The following TNRC18 variants were observed in gnomAD, a reference collection of about 807,000 sequenced individuals.
TNRC18 encodes trinucleotide repeat containing 18, also known as trinucleotide repeat-containing gene 18 protein.
In TNRC18, 69 loss-of-function variants were observed where a neutral mutation model predicts 226.7. The ratio of observed to expected loss-of-function variants is 0.30; its 90% CI spans 0.25 to 0.37. The LOEUF (loss-of-function observed/expected upper bound fraction) is 0.37, where lower values mean the gene tolerates loss of function less well. Ranked by LOEUF, TNRC18 falls within the 10% of genes least tolerant of loss-of-function variation. TNRC18 has a pLI of 1.00. For missense variants in TNRC18, 4,754 were observed against 4,256.6 expected (o/e 1.12, Z -3.25); for synonymous variants, 2,449 against 1,927.6 (o/e 1.27, Z -7.09).
chr7:5,314,400 G>C lies in TNRC18; in HGVS notation c.7028-537C>G, dbSNP rs572833213. The stretch of plus-strand genomic sequence containing the variant: ...TTGGCCCCAAAGCGGGTCCTCCTCT[G>C]CTTTCAGCCTGCACGAAGTATTTTC... On this transcript the variant is annotated intron_variant, in intron 26 of 29. Coordinates refer to ENST00000430969, the MANE Select transcript of TNRC18 (RefSeq NM_001080495.3). Among the ~76,000 whole-genome samples the C allele has an allele frequency of 5.1e-4, 77 of 152,144 alleles. 1 individual carries two copies. In the South Asian group the frequency reaches 0.015, roughly 30 times the overall value.
chr7:5,314,180 C>A (rs2128106209), intron 26 of TNRC18, among the ~76,000 whole-genome samples: 1 of 152,058 alleles, frequency 6.6e-6, no homozygotes, highest in African/African-American at 2.4e-5. Context: ...CTCCGTTGCC[C>A]AGGCTGGTCT....
chr7:5,331,886 G>A (rs1424000980), intron 19 of TNRC18, among the ~76,000 whole-genome samples: 4 of 151,908 alleles, frequency 2.6e-5, no homozygotes, highest in South Asian at 4.2e-4. Context: ...CTCCAGCCTG[G>A]GTGACAGAGT....
At position 5,349,364 on chromosome 7, in the gene TNRC18, G is replaced by C. The variant is rs1325930985; in HGVS notation, c.5470+2455C>G. Among the ~76,000 whole-genome samples, 3 of 152,198 alleles carry C rather than the reference G, an allele frequency of 2.0e-5. No homozygotes were observed. In the South Asian group the frequency reaches 6.2e-4, roughly 31 times the overall value. On this transcript the variant is annotated intron_variant, in intron 17 of 29. Coordinates refer to ENST00000430969, the MANE Select transcript of TNRC18 (RefSeq NM_001080495.3). ...CAGCTTGCCGAGGGCTGGGGACAGG[G>C]AGGGGGGAAAAAAGTCCCATCAAAG...
At chr7:5,314,684 T>C (rs574997812) in intron 26 of TNRC18, among the ~76,000 whole-genome samples, 1 of 149,464 alleles carries the variant, frequency 6.7e-6, no homozygotes, top group Admixed American at 6.8e-5. Context: ...GTGATTCTCC[T>C]GCCTCAGCCT....
chr7:5,347,289 G>A (rs913493425), intron 17 of TNRC18, among the ~76,000 whole-genome samples: 10 of 150,302 alleles, frequency 6.7e-5, no homozygotes, highest in African/African-American at 2.0e-4. Flanking sequence ...CTGGGTTCAC[G>A]CCATTCTCCT....
chr7:5,364,649 C>G (rs1220015161), intron 11 of TNRC18, among the ~76,000 whole-genome samples: 2 of 151,694 alleles, frequency 1.3e-5, no homozygotes, highest in Non-Finnish European at 2.9e-5. Flanking sequence ...ACTAAAAATA[C>G]AGAAATTAGC....
rs184430700 is a variant in TNRC18, at chr7:5,326,400, C to A, written c.6148-1152G>T. 1.1e-4 allele frequency among the ~76,000 whole-genome samples: 16 copies of A among 152,286 alleles called. 1 individual carries two copies. The highest frequency in any genetic ancestry group is 6.5e-4 in the Admixed American group (10 of 15,280). The stretch of plus-strand genomic sequence containing the variant: ...CCTAATGCACTTACTTTAACCACCC[C>A]CGCGATGAGAAGGGCCTGTAGGCTG... On this transcript the variant is annotated intron_variant, in intron 19 of 29. Transcript: ENST00000430969.
chr7:5,326,221 C>T (rs917668257), intron 19 of TNRC18, among the ~76,000 whole-genome samples: 14 of 151,594 alleles, frequency 9.2e-5, no homozygotes, highest in East Asian at 3.9e-4. Flanking sequence ...ATGAAGGCTA[C>T]GCAGACACAA....
Position 5,352,025 on chromosome 7 carries a change from T to C in TNRC18, c.5264A>G (p.Lys1755Arg), listed in dbSNP as rs376448943. ...EWPAQGPSSS[K>R]LTPSLLCSMV... ...GCTACACAGGAGGGAAGGCGTCAGT[T>C]TGGAGCTGGAGGGGCCTTGGGCGGG... Residue 1755 changes from lysine (K) to arginine (R), a missense_variant, in exon 17 of 30, where the codon AAA becomes AGA. Lys to Arg is a conservative substitution (Grantham distance 26). Transcript: ENST00000430969. 9.3e-6 allele frequency: 15 copies of C among 1,613,936 alleles called. No homozygotes were observed. Among genetic ancestry groups the C allele is most frequent in the Middle Eastern group, 1.6e-4 (1 of 6,062 alleles).
At chr7:5,360,734 G>T (rs1002428690) in intron 14 of TNRC18, among the ~76,000 whole-genome samples, 1 of 152,120 alleles carries the variant, frequency 6.6e-6, no homozygotes, top group African/African-American at 2.4e-5. Flanking sequence ...GCTGCGGCTG[G>T]TGAGGGAGAT....
At position 5,376,969 on chromosome 7, in the gene TNRC18, T is replaced by C; in HGVS notation, c.2486A>G (p.Gln829Arg). 2.5e-6 allele frequency: 4 copies of C among 1,585,844 alleles called. No homozygotes were observed. The highest frequency in any genetic ancestry group is 3.4e-6 in the Non-Finnish European group (4 of 1,166,452). ...AGGTGGGAACGCAGGGGCCATGCCC[T>C]GGTGCAGAGATGGGGGACCCAAGCC... Reference protein sequence around the residue: ...PYGLGPPSLHQGMAPAFPPGL... With the variant: ...PYGLGPPSLHRGMAPAFPPGL... The change falls in exon 8 of 30, where the codon CAG becomes CGG. Residue 829 changes from glutamine (Q) to arginine (R), a missense_variant. Coordinates refer to ENST00000430969, the MANE Select transcript of TNRC18 (RefSeq NM_001080495.3).
chr7:5,376,217 C>A lies in TNRC18; in HGVS notation c.2616G>T (p.Leu872=). Residue 872 remains leucine (L), a synonymous_variant, in exon 9 of 30, where the codon CTG becomes CTT. Transcript: ENST00000430969. The part of the protein sequence containing the change: ...PSDHLPHFAE[L]MERATVPPLW... ...GGGGCGGTACGGTGGCCCGCTCCAT[C>A]AGCTCCGCTGCAGGGACAGAGACAG... 6.7e-7 allele frequency: 1 copy of A among 1,500,650 alleles called. No individual in the cohort carries two copies. The highest frequency in any genetic ancestry group is 2.3e-5 in the Admixed American group (1 of 43,468). The allele number at this position is 1,500,650 out of a possible 1,614,324, so 93.0% of individuals were successfully genotyped here.
At chr7:5,355,435 A>G (rs1380980158) in intron 16 of TNRC18, among the ~76,000 whole-genome samples, 1 of 152,072 alleles carries the variant, frequency 6.6e-6, no homozygotes, top group East Asian at 1.9e-4. Context: ...TAAGACCAGC[A>G]TGGGCAACAC....
chr7:5,320,134 G>A, intron 24 of TNRC18, 184 bp downstream of exon 24: 1 of 585,834 alleles, frequency 1.7e-6, no homozygotes, highest in Non-Finnish European at 3.1e-6. Flanking sequence ...ACTCAGAGCT[G>A]GAGTCCTGAT....
rs6966289 is a variant in TNRC18 at position 5,373,228 on chromosome 7, A to G, written c.3229+827T>C. On this transcript the variant is annotated intron_variant, in intron 10 of 29. Transcript: ENST00000430969. ...GGTCCCAGCTGCTTGAGAGGCTGAAACAGGAGGATCGCTCGAGTCCAGGTG... is the reference window on the plus strand; with the variant it reads ...GGTCCCAGCTGCTTGAGAGGCTGAAGCAGGAGGATCGCTCGAGTCCAGGTG... Among the ~76,000 whole-genome samples, 1,476 of 152,184 alleles carry G rather than the reference A, an allele frequency of 9.7e-3. 24 individuals carry two copies. The highest frequency in any genetic ancestry group is 0.031 in the African/African-American group (1,273 of 41,504).
chr7:5,317,841 G>C (rs1000539059), intron 24 of TNRC18, among the ~76,000 whole-genome samples: 3 of 151,652 alleles, frequency 2.0e-5, no homozygotes, highest in Non-Finnish European at 4.4e-5. Context: ...AAGTAGCTAG[G>C]ACAACAGGTG....
chr7:5,333,224 C>A (rs1789740273), intron 18 of TNRC18, among the ~76,000 whole-genome samples, 175 bp from the exon 19 acceptor site: 1 of 151,810 alleles, frequency 6.6e-6, no homozygotes, highest in East Asian at 1.9e-4. Context: ...CGGGACCACG[C>A]CTGTCCCTAC....
chr7:5,377,321 CTCCCA>C lies in TNRC18; in HGVS notation c.2461+45_2461+49del. On this transcript the variant is annotated intron_variant, in intron 7 of 29. Transcript: ENST00000430969. The surrounding 1 kb of genome is among the most constrained non-coding windows in gnomAD (Gnocchi z 5.8). ...TGAGCTCTTGTCCTGCACCCGCCCCCTCCCACCCCTCCCTCAGAGAAGGGGAGAGA... is the reference window on the plus strand; with the variant it reads ...TGAGCTCTTGTCCTGCACCCGCCCCCCCCCTCCCTCAGAGAAGGGGAGAGA... 3.8e-5 allele frequency: 42 copies of C among 1,094,788 alleles called. No homozygotes were observed. Among genetic ancestry groups the C allele is most frequent in the Non-Finnish European group, 5.5e-5 (42 of 763,674 alleles). The allele number at this position is 1,094,788 out of a possible 1,614,324, so 67.8% of individuals were successfully genotyped here. A position where few individuals can be genotyped will look rare whatever the true frequency, so the allele number is the denominator to read the frequency against.
chr7:5,381,025 C>G (rs1779360866), intron 5 of TNRC18, among the ~76,000 whole-genome samples: 1 of 152,066 alleles, frequency 6.6e-6, no homozygotes, highest in Non-Finnish European at 1.5e-5. Flanking sequence ...GCCCTCTGTC[C>G]CCCCGACTGT....
Sources: allele counts gnomAD v4.1 joint callset (sites outside exome capture counted in the v4.1 genomes callset), GRCh38; gene constraint gnomAD v4.1.1; non-coding constraint Gnocchi (gnomAD v3.1); transcripts MANE v1.5; gene names NCBI Gene and HGNC (gene_info 2026-07-23, HGNC 2026-07-21).